NLRC3: variants seen among roughly 807,000 people sequenced by gnomAD.
The protein encoded by NLRC3 is NLR family CARD domain containing 3, also known as NLR family CARD domain-containing protein 3.
A neutral mutation model predicts 91.6 loss-of-function variants in NLRC3; 87 were observed. The ratio of observed to expected loss-of-function variants is 0.95; its 90% confidence interval spans 0.80 to 1.14. The LOEUF (loss-of-function observed/expected upper bound fraction) is 1.14, where lower values mean the gene tolerates loss of function less well. NLRC3 is among the 50% of genes most tolerant of loss of function. The probability of loss-of-function intolerance (pLI) is 0.00; values close to 1 mark genes in which losing one functional copy is unlikely to be tolerated. For synonymous variants in NLRC3, 694 were observed against 625.3 expected (o/e 1.11, Z -1.64); for missense variants, 1,577 against 1,418.6 (o/e 1.11, Z -1.79).
chr16:3,544,566 G>A (rs897391847), intron 15 of NLRC3: 29 of 523,424 alleles, frequency 5.5e-5, no homozygotes, highest in Non-Finnish European at 9.7e-5. Context: ...GCAGGAAATG[G>A]GACATATAGA....
chr16:3,560,841 A>G (rs1037348998), intron 6 of NLRC3, among the ~76,000 whole-genome samples: 5 of 151,398 alleles, frequency 3.3e-5, no homozygotes, highest in Admixed American at 3.3e-4. Flanking sequence ...TTGTATTTTT[A>G]GTAGAGACAG....
At chr16:3,571,560 AAGC>A (rs1373066854) in intron 1 of NLRC3, among the ~76,000 whole-genome samples, 2 of 151,072 alleles carry the variant, frequency 1.3e-5, no homozygotes, top group East Asian at 1.9e-4. Context: ...AAAAAAAAAA[AAGC>A]AGAATTCATG....
At chr16:3,550,527 C>G (rs1211417140) in intron 10 of NLRC3, 30 bp from the exon 11 acceptor site, 1 of 1,520,042 alleles carries the variant, frequency 6.6e-7, no homozygotes, top group Non-Finnish European at 9.1e-7. Context: ...GATGAGCCAG[C>G]CTCTGGGAGC....
rs35126359 is a variant in NLRC3 at position 3,574,007 on chromosome 16, C to CTTTTTTTTTTTT, written c.-169+3130_-169+3141dup. ...GCTTGGCCCATTGTAACCATTTTAT[C>CTTTTTTTTTTTT]TTTTTTTTTTTTTTTTTTTTTTTTT... is the stretch of plus-strand genomic sequence containing the variant. On this transcript the variant is annotated intron_variant, in intron 1 of 19. Coordinates refer to ENST00000359128, the MANE Select transcript of NLRC3 (RefSeq NM_178844.4). 6.7e-4 allele frequency among the ~76,000 whole-genome samples: 27 copies of CTTTTTTTTTTTT among 40,410 alleles called. 6 individuals are homozygous for CTTTTTTTTTTTT. The highest frequency in any genetic ancestry group is 2.2e-3 in the African/African-American group (22 of 9,856). 26.5% of individuals were successfully genotyped at this position (40,410 alleles called of 152,430 possible).
intron 1 of NLRC3, among the ~76,000 whole-genome samples, chr16:3,569,663 G>A (rs573502135): frequency 6.6e-6 from 1 of 151,962 alleles, no homozygotes; most frequent in Admixed American, 6.6e-5. Flanking sequence ...CTCCCAAAGT[G>A]CTCGGATTGT....
intron 11 of NLRC3, 148 bp from the exon 12 acceptor site, chr16:3,549,928 C>G: frequency 1.7e-6 from 1 of 605,258 alleles, no homozygotes; most frequent in Non-Finnish European, 2.9e-6. Context: ...CTTCTCATCT[C>G]TCTTTCCTCT....
intron 9 of NLRC3, 41 bp from the exon 10 acceptor site, chr16:3,552,320 A>AC: frequency 7.0e-7 from 1 of 1,425,242 alleles, no homozygotes; most frequent in Non-Finnish European, 9.9e-7. Flanking sequence ...AAGGCTGGTC[A>AC]CAGCCATTCC....
At chr16:3,552,546 C>T (rs1455425227) in intron 9 of NLRC3, among the ~76,000 whole-genome samples, 2 of 152,088 alleles carry the variant, frequency 1.3e-5, no homozygotes, top group Non-Finnish European at 2.9e-5. Flanking sequence ...CTGATAATGC[C>T]CAGCAACCTC....
intron 6 of NLRC3, among the ~76,000 whole-genome samples, chr16:3,560,461 T>G (rs910764145): frequency 6.6e-6 from 1 of 151,986 alleles, no homozygotes; most frequent in South Asian, 2.1e-4. Context: ...TTGGGTTCTC[T>G]TCTCCAAACT....
rs190485064 is a variant in NLRC3 at position 3,571,998 on chromosome 16, A to C, written c.-168-4674T>G. On this transcript the variant is annotated intron_variant, in intron 1 of 19. Transcript: ENST00000359128. ...GTAATAATAGATGCCATAAAGTTGA[A>C]AGAAAAACTATAAGCCAGGAGTCAA... Among the ~76,000 whole-genome samples the C allele has an allele frequency of 5.4e-3, 827 of 151,884 alleles. 5 individuals carry two copies. Among genetic ancestry groups the C allele is most frequent in the African/African-American group, 0.018 (743 of 41,548 alleles).
At chr16:3,575,560 C>T (rs2040257249) in intron 1 of NLRC3, among the ~76,000 whole-genome samples, 3 of 152,176 alleles carry the variant, frequency 2.0e-5, no homozygotes, top group Admixed American at 1.3e-4. Flanking sequence ...GCCTCCTCCC[C>T]GGGAGCCTCC....
At chr16:3,543,574 C>A in intron 16 of NLRC3, 66 bp from the exon 17 acceptor site, 2 of 1,028,970 alleles carry the variant, frequency 1.9e-6, no homozygotes. Context: ...TACTCCGTTC[C>A]CTTTCACCAC....
At chr16:3,554,403 G>T in intron 8 of NLRC3, 78 bp from the exon 9 acceptor site, 1 of 1,082,834 alleles carries the variant, frequency 9.2e-7, no homozygotes, top group South Asian at 1.3e-5. Context: ...CTGCAGTGGG[G>T]GCACCTCTGT....
chr16:3,568,753 A>G (rs1241921058), intron 1 of NLRC3, among the ~76,000 whole-genome samples: 1 of 152,012 alleles, frequency 6.6e-6, no homozygotes, highest in Non-Finnish European at 1.5e-5. Context: ...TGGGATTTGA[A>G]TTGACATTGC....
rs377029072 is a variant in NLRC3 at position 3,564,982 on chromosome 16, C to T, written c.55G>A (p.Gly19Ser). 3 of 1,610,660 alleles carry T rather than the reference C, an allele frequency of 1.9e-6. No individual in the cohort carries two copies. Among genetic ancestry groups the T allele is most frequent in the Non-Finnish European group, 2.5e-6 (3 of 1,179,752 alleles). The stretch of plus-strand genomic sequence containing the variant: ...GCTTTCACCTGCTCGGCTGGGGAGC[C>T]CGTACCGTGGCCCTGGCCGGCCTCC... ...GREAGQGHGTGSPAEQVKALM... is the reference protein window; with the variant it reads ...GREAGQGHGTSSPAEQVKALM... Residue 19 changes from glycine to serine, a missense_variant, in exon 4 of 20, where the codon GGC becomes AGC. By Grantham distance (56) the Gly-to-Ser change is moderately conservative (BLOSUM62 0). Transcript: ENST00000359128. This position sits in a 1 kb window ranked among gnomAD's most constrained non-coding sequence, Gnocchi z 5.9.
intron 13 of NLRC3, among the ~76,000 whole-genome samples, 160 bp downstream of exon 13, chr16:3,548,982 G>A (rs918118963): frequency 6.6e-6 from 1 of 152,172 alleles, no homozygotes; most frequent in African/African-American, 2.4e-5. Flanking sequence ...CTATGAGAGT[G>A]GGGGACTTGC....
At chr16:3,577,076 G>A in intron 1 of NLRC3, 73 bp downstream of exon 1, 2 of 702,754 alleles carry the variant, frequency 2.8e-6, no homozygotes, top group South Asian at 3.0e-5. Flanking sequence ...CAGGCCTTAA[G>A]GCCACTGTCC....
Position 3,540,261 on chromosome 16 carries a change from T to C in NLRC3, c.*1564A>G, listed in dbSNP as rs2038345376. 4 of 152,372 alleles carry C rather than the reference T, an allele frequency of 2.6e-5. No individual in the cohort carries two copies. In the South Asian group the frequency reaches 6.2e-4, roughly 24 times the overall value. 9.4% of individuals were successfully genotyped at this position (152,372 alleles called of 1,614,324 possible). A position where few individuals can be genotyped will look rare whatever the true frequency, so the allele number is the denominator to read the frequency against. The stretch of plus-strand genomic sequence containing the variant: ...GCCTCAGCATCCATGATGGTTCCTG[T>C]CCGGATGCTCACTTTTGAAGAAACA... On this transcript the variant is annotated 3_prime_UTR_variant, in exon 20 of 20. Transcript: ENST00000359128.
chr16:3,556,830 C>A, intron 8 of NLRC3, 81 bp downstream of exon 8: 1 of 914,408 alleles, frequency 1.1e-6, no homozygotes, highest in Non-Finnish European at 1.8e-6. Context: ...AATCACCTCC[C>A]ATTCTCATAG....
Sources: gnomAD v4.1 joint callset for allele counts (sites outside exome capture counted in the v4.1 genomes callset) on GRCh38, gnomAD v4.1.1 for gene constraint, Gnocchi (gnomAD v3.1) non-coding constraint, MANE v1.5 for transcripts, NCBI Gene and HGNC (gene_info 2026-07-23, HGNC 2026-07-21) for gene names.